UGP2: variants seen among roughly 807,000 people sequenced by gnomAD.
UGP2 encodes UTP--glucose-1-phosphate uridylyltransferase.
A neutral mutation model predicts 49.0 loss-of-function variants in UGP2; 40 were observed. The ratio of observed to expected loss-of-function variants is 0.82; its 90% CI spans 0.63 to 1.06. The LOEUF is 1.06. Ranked by LOEUF, UGP2 falls within the 50% of genes least tolerant of loss-of-function variation. The pLI is 0.00. For missense variants in UGP2, 460 were observed against 603.5 expected (o/e 0.76, Z 2.49); for synonymous variants, 225 against 213.0 (o/e 1.06, Z -0.49).
At chr2:63,858,011 T>C (rs1669566697) in intron 3 of UGP2, 75 bp downstream of exon 3, 1 of 1,331,786 alleles carries the variant, frequency 7.5e-7, no homozygotes. Context: ...GGTTGGGTAG[T>C]GTAGGGGACC....
chr2:63,846,265 G>A (rs1206473403), intron 1 of UGP2: 2 of 152,120 alleles, frequency 1.3e-5, no homozygotes, highest in East Asian at 1.9e-4. Context: ...GCAGCTGTGG[G>A]TTTTTGTCAG....
rs778894915 is a variant in UGP2 at position 63,890,180 on chromosome 2, T to C, written c.1414T>C (p.Leu472=). ...GDVTFGKNVS[L]KGTVIIIANH... ...TGTGACATTTGGAAAAAATGTTTCATTAAAGGTATGTTGTTACAATGAAAA... is the reference window on the plus strand; with the variant it reads ...TGTGACATTTGGAAAAAATGTTTCACTAAAGGTATGTTGTTACAATGAAAA... Residue 472 remains leucine, a synonymous_variant, in exon 9 of 10, where the codon TTA becomes CTA. Transcript: ENST00000337130. 1.2e-6 allele frequency: 2 copies of C among 1,605,494 alleles called. No individual in the cohort carries two copies. Among genetic ancestry groups the C allele is most frequent in the Admixed American group, 3.4e-5 (2 of 58,648 alleles).
chr2:63,877,765 G>A (rs1044305629), intron 3 of UGP2, among the ~76,000 whole-genome samples: 1 of 151,278 alleles, frequency 6.6e-6, no homozygotes, highest in Non-Finnish European at 1.5e-5. Context: ...AGGCCGAGGC[G>A]GGTGGATCAT....
At chr2:63,890,913 G>A (rs1329862893) in intron 9 of UGP2, among the ~76,000 whole-genome samples, 1 of 152,110 alleles carries the variant, frequency 6.6e-6, no homozygotes, top group East Asian at 1.9e-4. Flanking sequence ...CAAGGAGACA[G>A]AGAATCTAGA....
In UGP2 at chr2:63,846,438, G is replaced by GT. The variant is rs564921733; in HGVS notation, c.19+4241dup. 1.9e-3 allele frequency among the ~76,000 whole-genome samples: 91 copies of GT among 48,684 alleles called. 2 individuals carry two copies. Among genetic ancestry groups the GT allele is most frequent in the Admixed American group, 4.6e-3 (22 of 4,740 alleles). 31.9% of individuals were successfully genotyped at this position (48,684 alleles called of 152,430 possible). On this transcript the variant is annotated intron_variant, in intron 1 of 9. Transcript: ENST00000337130. ...CTAATGCTCTAATATTAGAGGCATTGTTTTTTTAAAAAAAATGATTCTAAA... is the reference window on the plus strand; with the variant it reads ...CTAATGCTCTAATATTAGAGGCATTGTTTTTTTTAAAAAAAATGATTCTAAA...
chr2:63,844,700 T>G (rs971854064), intron 1 of UGP2, among the ~76,000 whole-genome samples: 1 of 152,202 alleles, frequency 6.6e-6, no homozygotes. Flanking sequence ...TAGCTGGGAC[T>G]ACAGGTGCAC....
intron 1 of UGP2, among the ~76,000 whole-genome samples, chr2:63,847,290 T>C (rs1672000362): frequency 4.6e-5 from 7 of 152,230 alleles, no homozygotes; most frequent in Admixed American, 4.6e-4. Flanking sequence ...CCCTTCCCTT[T>C]GTTGGTATGT....
At chr2:63,882,111 T>A (rs1464567844) in intron 3 of UGP2, among the ~76,000 whole-genome samples, 1 of 152,218 alleles carries the variant, frequency 6.6e-6, no homozygotes, top group Non-Finnish European at 1.5e-5. Context: ...TCTAAATAAA[T>A]GACTTGATCA....
intron 3 of UGP2, among the ~76,000 whole-genome samples, chr2:63,882,219 T>G (rs1671364976): frequency 6.6e-6 from 1 of 152,148 alleles, no homozygotes; most frequent in African/African-American, 2.4e-5. Flanking sequence ...GGCCTACAAC[T>G]TTTTCCCCCT....
intron 3 of UGP2, among the ~76,000 whole-genome samples, chr2:63,876,458 C>T (rs1025610511): frequency 6.6e-6 from 1 of 152,198 alleles, no homozygotes; most frequent in African/African-American, 2.4e-5. Flanking sequence ...ATCTTGACCA[C>T]TTGAAATATT....
At chr2:63,885,910 T>C (rs748459891) in intron 6 of UGP2, 24 bp downstream of exon 6, 11 of 1,516,826 alleles carry the variant, frequency 7.3e-6, no homozygotes, top group Admixed American at 2.4e-5. Context: ...GGAAGCAGTT[T>C]AGGGCTTCAT....
intron 3 of UGP2, among the ~76,000 whole-genome samples, chr2:63,865,254 G>A (rs1023611683): frequency 4.6e-5 from 7 of 152,188 alleles, no homozygotes; most frequent in Non-Finnish European, 1.0e-4. Flanking sequence ...TAGAAAATGA[G>A]TAGGGTAAAT....
chr2:63,857,316 A>T (rs997969944), intron 2 of UGP2, among the ~76,000 whole-genome samples: 4 of 151,382 alleles, frequency 2.6e-5, no homozygotes, highest in African/African-American at 4.8e-5. Flanking sequence ...AAAAAAAAAA[A>T]GTACAGAGCC....
At chr2:63,845,821 A>C (rs1388489431) in intron 1 of UGP2, among the ~76,000 whole-genome samples, 2 of 152,138 alleles carry the variant, frequency 1.3e-5, no homozygotes, top group African/African-American at 2.4e-5. Context: ...TCCTTCTCCA[A>C]ATCCTAGGCA....
chr2:63,886,293 T>G (rs184196323), intron 6 of UGP2, 48 bp from the exon 7 acceptor site: 8 of 1,561,488 alleles, frequency 5.1e-6, no homozygotes, highest in South Asian at 1.1e-5. Context: ...TACAAAAAAA[T>G]GCACTTGAGA....
intron 9 of UGP2, 111 bp downstream of exon 9, chr2:63,890,296 C>T (rs2104374044): frequency 1.6e-6 from 1 of 637,700 alleles, no homozygotes. Flanking sequence ...TTAGTGCCAC[C>T]TTAATTACTA....
Position 63,842,070 on chromosome 2 carries a change from A to G in UGP2, c.-116A>G. The G allele has an allele frequency of 7.8e-7, 1 of 1,279,976 alleles. No individual in the cohort carries two copies. Among genetic ancestry groups the G allele is most frequent in the East Asian group, 2.3e-5 (1 of 43,018 alleles). The allele number at this position is 1,279,976 out of a possible 1,614,324, so 79.3% of individuals were successfully genotyped here. ...AATACTCCCTTAAGTAGTTAAATAT[A>G]GGAGGAGAAAGAATACATCGGTTGT... On this transcript the variant is annotated 5_prime_UTR_variant, in exon 1 of 10. The change creates a new upstream start codon in the 5' untranslated region. Transcript: ENST00000337130.
chr2:63,881,115 T>C (rs1671277724), intron 3 of UGP2, among the ~76,000 whole-genome samples: 1 of 152,164 alleles, frequency 6.6e-6, no homozygotes, highest in Non-Finnish European at 1.5e-5. Flanking sequence ...CAAGAAAGTG[T>C]ATTAATTTGC....
intron 8 of UGP2, chr2:63,889,867 T>C (rs1238971559): frequency 1.1e-5 from 5 of 454,608 alleles, no homozygotes; most frequent in African/African-American, 1.0e-4. Flanking sequence ...ATCTTGTAAA[T>C]TGCTTGGTGT....
Sources: allele counts gnomAD v4.1 joint callset (sites outside exome capture counted in the v4.1 genomes callset), GRCh38; gene constraint gnomAD v4.1.1; transcripts MANE v1.5; gene names NCBI Gene and HGNC (gene_info 2026-07-23, HGNC 2026-07-21).